Variants in CCDC7 observed in about 807,000 individuals in gnomAD.
CCDC7 encodes coiled-coil domain-containing protein 7.
CCDC7 carries 183 observed loss-of-function variants against 196.9 expected under a neutral mutation model. The ratio of observed to expected loss-of-function variants is 0.93; its 90% CI spans 0.82 to 1.05. The LOEUF (loss-of-function observed/expected upper bound fraction) is 1.05, where lower values mean the gene tolerates loss of function less well. CCDC7 is among the 50% of genes least tolerant of loss of function. The pLI is 0.00. For missense variants in CCDC7, 1,540 were observed against 1,482.2 expected, an observed-to-expected ratio of 1.04 and a Z score of -0.64; for synonymous variants, 525 against 484.6, an observed-to-expected ratio of 1.08 and a Z score of -1.10.
intron 28 of CCDC7, among the ~76,000 whole-genome samples, chr10:32,730,754 T>G (rs117534607): frequency 0.01 from 1,560 of 152,154 alleles, 15 homozygotes; most frequent in Non-Finnish European, 0.017. Flanking sequence ...CTAGTGCTTT[T>G]AAGAGCCTTC....
At chr10:32,846,294 A>G in intron 36 of CCDC7, 82 bp from the exon 38 acceptor site, 2 of 802,784 alleles carry the variant, frequency 2.5e-6, no homozygotes, top group Non-Finnish European at 2.0e-6. Flanking sequence ...ATATCCTTCT[A>G]TAATTAGTTA....
intron 29 of CCDC7, among the ~76,000 whole-genome samples, chr10:32,797,499 T>C (rs1473844545): frequency 2.6e-5 from 4 of 151,770 alleles, no homozygotes; most frequent in Admixed American, 1.3e-4. Flanking sequence ...ACAATGGACT[T>C]TGGGGACTCA....
At chr10:32,592,913 T>C (rs1219347933) in intron 18 of CCDC7, among the ~76,000 whole-genome samples, 3 of 152,214 alleles carry the variant, frequency 2.0e-5, no homozygotes, top group Non-Finnish European at 2.9e-5. Context: ...TATTCCGTGG[T>C]GTATATGTGC....
rs185963605 is a variant in CCDC7 at position 32,480,167 on chromosome 10, A to G, written c.796+6144A>G. 2.6e-5 allele frequency among the ~76,000 whole-genome samples: 4 copies of G among 152,002 alleles called. No homozygotes were observed. In the East Asian group the frequency reaches 7.7e-4, roughly 29 times the overall value. On this transcript the variant is annotated intron_variant, in intron 8 of 41. Coordinates refer to ENST00000639629, the Ensembl canonical transcript of CCDC7. Reference sequence around the variant, plus strand: ...AATCTTAGTTTTGTTGAACTTTTCTATGATTTTTCTAGTCTCTATTTTATG... The same window carrying G: ...AATCTTAGTTTTGTTGAACTTTTCTGTGATTTTTCTAGTCTCTATTTTATG...
At chr10:32,590,921 C>A (rs1347941192) in intron 18 of CCDC7, among the ~76,000 whole-genome samples, 1 of 151,852 alleles carries the variant, frequency 6.6e-6, no homozygotes, top group Non-Finnish European at 1.5e-5. Context: ...TTTCTTTATC[C>A]TTGACCTTTG....
chr10:32,696,158 A>C (rs1309499642), intron 24 of CCDC7, among the ~76,000 whole-genome samples: 1 of 152,184 alleles, frequency 6.6e-6, no homozygotes. Context: ...TCAGGGGTAG[A>C]CATAGACAAT....
At position 32,626,178 on chromosome 10, in the gene CCDC7, C is replaced by G. The variant is rs79672836; in HGVS notation, c.1802-8076C>G. Among the ~76,000 whole-genome samples, 2,233 of 152,138 alleles carry G rather than the reference C, an allele frequency of 0.015. 111 individuals are homozygous for G. In the South Asian group the frequency reaches 0.16, roughly 11 times the overall value. ...AATAGTTGATGTACTAGTTTACATTCCTGCTAACAGTGTACAAGAGTTATC... is the reference window on the plus strand; with the variant it reads ...AATAGTTGATGTACTAGTTTACATTGCTGCTAACAGTGTACAAGAGTTATC... On this transcript the variant is annotated intron_variant, in intron 18 of 41. Coordinates refer to ENST00000639629, the Ensembl canonical transcript of CCDC7.
chr10:32,692,006 AC>A (rs1177978309), intron 23 of CCDC7, among the ~76,000 whole-genome samples: 1 of 152,210 alleles, frequency 6.6e-6, no homozygotes, highest in Non-Finnish European at 1.5e-5. Context: ...GATAAGCTCC[AC>A]AATATGCCCC....
At chr10:32,691,952 A>G (rs796832205) in intron 23 of CCDC7, among the ~76,000 whole-genome samples, 18 of 152,360 alleles carry the variant, frequency 1.2e-4, no homozygotes, top group African/African-American at 4.3e-4. Context: ...TTCCTTAGGC[A>G]ATATGGGCAC....
At chr10:32,626,484 T>C (rs2064062042) in intron 18 of CCDC7, among the ~76,000 whole-genome samples, 1 of 151,998 alleles carries the variant, frequency 6.6e-6, no homozygotes, top group Non-Finnish European at 1.5e-5. Flanking sequence ...ATGTATGGCT[T>C]GTACATGTTT....
At chr10:32,663,986 A>G in intron 20 of CCDC7, 68 bp from the exon 22 acceptor site, 1 of 389,136 alleles carries the variant, frequency 2.6e-6, no homozygotes, top group East Asian at 3.6e-5. Context: ...TATACTTGTT[A>G]TAAATCTGAA....
intron 32 of CCDC7, 30 bp from the exon 34 acceptor site, chr10:32,834,785 G>T: frequency 9.9e-7 from 1 of 1,008,544 alleles, no homozygotes; most frequent in East Asian, 2.5e-5. Context: ...ACCTTTCAAA[G>T]CGTTTTGAAA....
At chr10:32,644,367 A>G (rs1320395937) in intron 20 of CCDC7, among the ~76,000 whole-genome samples, 1 of 152,064 alleles carries the variant, frequency 6.6e-6, no homozygotes, top group Non-Finnish European at 1.5e-5. Flanking sequence ...CAACCCCTCC[A>G]CAGCCTCTGA....
In CCDC7 at chr10:32,560,407, A is replaced by G. The variant is rs2055273011; in HGVS notation, c.1135-5151A>G. The stretch of plus-strand genomic sequence containing the variant: ...AAGTTGAAATGAAGGAAAAAATGTT[A>G]AGGGCAGCCAGAGAGAAAGGTCGGG... On this transcript the variant is annotated intron_variant, in intron 13 of 41. Transcript: ENST00000639629. Among the ~76,000 whole-genome samples, 3 of 152,170 alleles carry G rather than the reference A, an allele frequency of 2.0e-5. No homozygotes were observed. The South Asian group carries it at 6.2e-4, about 32-fold the overall frequency.
At chr10:32,621,343 A>G (rs1170723499) in intron 18 of CCDC7, among the ~76,000 whole-genome samples, 1 of 152,142 alleles carries the variant, frequency 6.6e-6, no homozygotes, top group Non-Finnish European at 1.5e-5. Flanking sequence ...AGGATTCCCA[A>G]TTCATGTCCC....
chr10:32,830,712 G>T (rs1002215822), intron 32 of CCDC7, among the ~76,000 whole-genome samples: 3 of 152,046 alleles, frequency 2.0e-5, no homozygotes, highest in Non-Finnish European at 4.4e-5. Context: ...TCACTAGAGG[G>T]GCTCAAGAGT....
intron 18 of CCDC7, among the ~76,000 whole-genome samples, chr10:32,592,475 AT>A (rs1402447473): frequency 1.3e-5 from 2 of 151,668 alleles, no homozygotes; most frequent in South Asian, 2.1e-4. Flanking sequence ...TCTAAATTTC[AT>A]TTTTTTGTAC....
At chr10:32,865,727 C>A (rs2094178967) in intron 41 of CCDC7, among the ~76,000 whole-genome samples, 1 of 151,750 alleles carries the variant, frequency 6.6e-6, no homozygotes, top group Non-Finnish European at 1.5e-5. Flanking sequence ...AAATTCAACT[C>A]CCAGAATGAG....
At chr10:32,497,435 T>C (rs1275401675) in intron 9 of CCDC7, among the ~76,000 whole-genome samples, 1 of 152,220 alleles carries the variant, frequency 6.6e-6, no homozygotes, top group East Asian at 1.9e-4. Flanking sequence ...TTCTTCTAGC[T>C]TTTGAATTTG....
Sources: gnomAD v4.1 joint callset for allele counts (sites outside exome capture counted in the v4.1 genomes callset) on GRCh38, gnomAD v4.1.1 for gene constraint, MANE v1.5 for transcripts, NCBI Gene and HGNC (gene_info 2026-07-23, HGNC 2026-07-21) for gene names.